The following MSR1 variants were observed in gnomAD, a reference collection of about 807,000 sequenced individuals.
MSR1 encodes the protein macrophage scavenger receptor 1.
MSR1 carries 53 observed loss-of-function variants against 47.2 expected under a neutral mutation model. That is an observed-to-expected ratio of 1.12 (90% CI 0.90 to 1.41). The LOEUF is 1.41. MSR1 is among the 40% of genes most tolerant of loss of function. The pLI is 0.00. For synonymous variants in MSR1, 239 were observed against 185.6 expected (o/e 1.29, Z -2.34); for missense variants, 786 against 546.9 (o/e 1.44, Z -4.36).
At chr8:16,124,209 C>T (rs536829129) in intron 8 of MSR1, among the ~76,000 whole-genome samples, 1 of 152,080 alleles carries the variant, frequency 6.6e-6, no homozygotes, top group East Asian at 1.9e-4. Flanking sequence ...ACATGGCATT[C>T]CCACAGTGAG....
rs2117202560 is a variant in MSR1, at chr8:16,175,389, C to T, written c.104-89G>A. 6.7e-6 allele frequency: 7 copies of T among 1,040,960 alleles called. No homozygotes were observed. In the South Asian group the frequency reaches 9.5e-5, roughly 14 times the overall value. The allele number at this position is 1,040,960 out of a possible 1,614,324, so 64.5% of individuals were successfully genotyped here. A position where few individuals can be genotyped will look rare whatever the true frequency, so the allele number is the denominator to read the frequency against. On this transcript the variant is annotated intron_variant, in intron 2 of 9. Coordinates refer to ENST00000262101, the MANE Select transcript of MSR1 (RefSeq NM_138715.3). ...GTTTTAATCTCCAATTATATTCTTA[C>T]TACCAAGCCTATTGGAATAAAAAAG...
chr8:16,120,697 C>CA (rs1182396781), intron 8 of MSR1, 91 bp from the exon 9 acceptor site: 13 of 1,390,502 alleles, frequency 9.3e-6, no homozygotes, highest in Non-Finnish European at 9.5e-6. Flanking sequence ...TTTTTAAACA[C>CA]AAAAAAATGT....
intron 7 of MSR1, among the ~76,000 whole-genome samples, chr8:16,144,489 T>C (rs1800646147): frequency 6.6e-6 from 1 of 152,116 alleles, no homozygotes; most frequent in Non-Finnish European, 1.5e-5. Flanking sequence ...CCAGCAAAAC[T>C]GAGAACCTTC....
chr8:16,143,547 T>G lies in MSR1; in HGVS notation c.1033+11A>C, dbSNP rs763237092. ...AGAATTCACACAGAAAACAAAATAC[T>G]ATATACTTACTTAATGTGTTTCCAC... On this transcript the variant is annotated intron_variant, in intron 8 of 9. Coordinates refer to ENST00000262101, the MANE Select transcript of MSR1 (RefSeq NM_138715.3). 6.2e-7 allele frequency: 1 copy of G among 1,609,622 alleles called. No homozygotes were observed. Among genetic ancestry groups the G allele is most frequent in the South Asian group, 1.1e-5 (1 of 90,956 alleles).
At chr8:16,118,477 C>A (rs1480783286) in intron 9 of MSR1, among the ~76,000 whole-genome samples, 2 of 152,110 alleles carry the variant, frequency 1.3e-5, no homozygotes, top group African/African-American at 2.4e-5. Flanking sequence ...GTGGCTCACA[C>A]CTGTAATCCC....
intron 8 of MSR1, chr8:16,140,797 G>C (rs1159134245): frequency 1.0e-5 from 15 of 1,496,094 alleles, no homozygotes; most frequent in African/African-American, 1.4e-5. Flanking sequence ...AGTAAGAAGA[G>C]GTATGAGCAT....
chr8:16,121,735 T>C (rs1390954822), intron 8 of MSR1, among the ~76,000 whole-genome samples: 1 of 151,866 alleles, frequency 6.6e-6, no homozygotes, highest in Non-Finnish European at 1.5e-5. Flanking sequence ...TGAGGAATGT[T>C]ATATTATAAA....
At chr8:16,164,787 T>G (rs928061671) in intron 4 of MSR1, among the ~76,000 whole-genome samples, 29 of 152,092 alleles carry the variant, frequency 1.9e-4, no homozygotes, top group African/African-American at 6.8e-4. Flanking sequence ...CAGTTTGCAT[T>G]GCCTCTGTAT....
chr8:16,191,152 A>C (rs1232429584), intron 1 of MSR1, among the ~76,000 whole-genome samples: 1 of 152,256 alleles, frequency 6.6e-6, no homozygotes, highest in African/African-American at 2.4e-5. Flanking sequence ...AATGAAAATT[A>C]AATTAAGATT....
intron 8 of MSR1, among the ~76,000 whole-genome samples, chr8:16,138,116 T>C (rs935133540): frequency 6.6e-6 from 1 of 152,118 alleles, no homozygotes; most frequent in African/African-American, 2.4e-5. Flanking sequence ...AAAAATCAAA[T>C]GAAAAAACAA....
chr8:16,153,954 A>G (rs908366257), intron 6 of MSR1, among the ~76,000 whole-genome samples: 6 of 151,944 alleles, frequency 3.9e-5, no homozygotes, highest in African/African-American at 1.4e-4. Flanking sequence ...CAATACTAAT[A>G]CCACCTGACT....
At chr8:16,150,851 AAC>A (rs3036816) in intron 6 of MSR1, among the ~76,000 whole-genome samples, 9,928 of 142,018 alleles carry the variant, frequency 0.07, 822 homozygotes, top group African/African-American at 0.21. Flanking sequence ...CATAAACATA[AAC>A]ACACACACAC....
chr8:16,120,545 T>C lies in MSR1; in HGVS notation c.1095A>G (p.Ile365Met). 3 of 1,606,010 alleles carry C rather than the reference T, an allele frequency of 1.9e-6. No homozygotes were observed. The highest frequency in any genetic ancestry group is 2.5e-6 in the Non-Finnish European group (3 of 1,179,006). Residue 365 changes from isoleucine (I) to methionine (M), a missense_variant, in exon 9 of 10, where the codon ATA (isoleucine) becomes ATG (methionine). By Grantham distance (10) the Ile-to-Met change is conservative. Transcript: ENST00000262101. ...TTGTACCCCACTGGCCGCTGTGGAGTATCTCCACCCTCCCCTCGTGAGGGC... is the reference window on the plus strand; with the variant it reads ...TTGTACCCCACTGGCCGCTGTGGAGCATCTCCACCCTCCCCTCGTGAGGGC... ...GSGPHEGRVE[I>M]LHSGQWGTIC...
intron 1 of MSR1, among the ~76,000 whole-genome samples, chr8:16,187,748 G>C (rs1802045179): frequency 6.6e-6 from 1 of 152,050 alleles, no homozygotes; most frequent in Non-Finnish European, 1.5e-5. Context: ...CTAAAGTAGG[G>C]ATTTTAAAAA....
chr8:16,128,387 G>A (rs78818961), intron 8 of MSR1, among the ~76,000 whole-genome samples: 2,777 of 152,054 alleles, frequency 0.018, 82 homozygotes, highest in African/African-American at 0.064. Flanking sequence ...GTGCCCTATC[G>A]GAAGAGATAA....
At chr8:16,178,761 C>A (rs1425060018) in intron 1 of MSR1, among the ~76,000 whole-genome samples, 1 of 152,150 alleles carries the variant, frequency 6.6e-6, no homozygotes, top group Non-Finnish European at 1.5e-5. Flanking sequence ...TCCTCTCCAG[C>A]AGCTGTTGTT....
chr8:16,115,040 G>A (rs1418482615), intron 9 of MSR1, among the ~76,000 whole-genome samples: 2 of 151,866 alleles, frequency 1.3e-5, no homozygotes, highest in Non-Finnish European at 2.9e-5. Context: ...TTAGTTGGGT[G>A]TGGTGGTGCA....
chr8:16,141,192 T>C (rs1234328196), intron 8 of MSR1: 5 of 823,002 alleles, frequency 6.1e-6, no homozygotes, highest in Non-Finnish European at 9.6e-6. Flanking sequence ...GGCACTTTCA[T>C]ACAGAATAAA....
intron 2 of MSR1, among the ~76,000 whole-genome samples, chr8:16,176,848 C>T (rs1461074464): frequency 6.6e-6 from 1 of 152,146 alleles, no homozygotes; most frequent in Admixed American, 6.5e-5. Context: ...CCATCCTTTA[C>T]ACAGAGCACA....
Sources: allele counts gnomAD v4.1 joint callset (sites outside exome capture counted in the v4.1 genomes callset), GRCh38; gene constraint gnomAD v4.1.1; transcripts MANE v1.5; gene names NCBI Gene and HGNC (gene_info 2026-07-23, HGNC 2026-07-21).